CAMSAP2: variants seen among roughly 807,000 people sequenced by gnomAD.
CAMSAP2 encodes the protein calmodulin regulated spectrin associated protein family member 2, also known as calmodulin-regulated spectrin-associated protein 2.
CAMSAP2 carries 26 observed loss-of-function variants against 146.1 expected under a neutral mutation model. The ratio of observed to expected loss-of-function variants is 0.18; its 90% CI spans 0.13 to 0.25. The LOEUF (loss-of-function observed/expected upper bound fraction) is 0.25. CAMSAP2 is among the 10% of genes least tolerant of loss of function. The pLI, the probability that CAMSAP2 is intolerant of heterozygous loss-of-function variation, is 1.00. For missense variants in CAMSAP2, 1,381 were observed against 1,759.3 expected (o/e 0.78, Z 3.85); for synonymous variants, 499 against 596.6 (o/e 0.84, Z 2.38).
At chr1:200,777,833 G>T (rs1048515613) in intron 2 of CAMSAP2, among the ~76,000 whole-genome samples, 1 of 152,144 alleles carries the variant, frequency 6.6e-6, no homozygotes, top group Non-Finnish European at 1.5e-5. Context: ...CCAGCTACTC[G>T]GGAGGCTGAG....
intron 1 of CAMSAP2, among the ~76,000 whole-genome samples, chr1:200,746,484 G>A (rs1664328573): frequency 6.6e-6 from 1 of 152,174 alleles, no homozygotes; most frequent in African/African-American, 2.4e-5. Flanking sequence ...ACCATGTTGA[G>A]TTTGAGGAAT....
chr1:200,752,800 G>T (rs1571716320), intron 1 of CAMSAP2, among the ~76,000 whole-genome samples: 2 of 151,872 alleles, frequency 1.3e-5, no homozygotes, highest in East Asian at 3.9e-4. Flanking sequence ...GTATTTTATA[G>T]TAGAGACGGG....
intron 3 of CAMSAP2, among the ~76,000 whole-genome samples, chr1:200,809,905 A>C (rs983023665): frequency 1.1e-4 from 17 of 152,198 alleles, no homozygotes; most frequent in Admixed American, 1.0e-3. Context: ...ACAGGGCATC[A>C]TCACATGTCT....
rs954477293 is a variant in CAMSAP2 at position 200,836,853 on chromosome 1, C to T, written c.927+4008C>T. Among the ~76,000 whole-genome samples the T allele has an allele frequency of 3.3e-5, 5 of 152,054 alleles. 1 individual carries two copies. Among genetic ancestry groups the T allele is most frequent in the Admixed American group, 2.0e-4 (3 of 15,270 alleles). Reference sequence around the variant, plus strand: ...TTCTCTAATGATCAGTGATATTGGGCTTTTTTTCATATGCTTGTTGGCCGC... The same window carrying T: ...TTCTCTAATGATCAGTGATATTGGGTTTTTTTTCATATGCTTGTTGGCCGC... On this transcript the variant is annotated intron_variant, in intron 6 of 16. Transcript: ENST00000358823.
At chr1:200,758,197 A>T (rs1368064750) in intron 1 of CAMSAP2, among the ~76,000 whole-genome samples, 1 of 152,250 alleles carries the variant, frequency 6.6e-6, no homozygotes, top group East Asian at 1.9e-4. Context: ...AGGTGGATAT[A>T]TAGGTATGAT....
intron 2 of CAMSAP2, among the ~76,000 whole-genome samples, chr1:200,775,585 A>G (rs534579784): frequency 6.6e-6 from 1 of 152,146 alleles, no homozygotes; most frequent in Non-Finnish European, 1.5e-5. Context: ...GCTGGAGTGC[A>G]GTGGCGCAAT....
intron 3 of CAMSAP2, among the ~76,000 whole-genome samples, chr1:200,813,378 G>A (rs1245697979): frequency 1.3e-5 from 2 of 152,208 alleles, no homozygotes; most frequent in Admixed American, 6.5e-5. Context: ...AGACCAAAGC[G>A]AAGGCCTTGT....
At chr1:200,841,916 C>T in intron 6 of CAMSAP2, 78 bp from the exon 7 acceptor site, 1 of 1,008,560 alleles carries the variant, frequency 9.9e-7, no homozygotes, top group South Asian at 1.3e-5. Flanking sequence ...AGATTTAAAC[C>T]TATATTTTAA....
At chr1:200,740,003 T>A in intron 1 of CAMSAP2, 37 bp downstream of exon 1, 1 of 1,607,788 alleles carries the variant, frequency 6.2e-7, no homozygotes, top group Non-Finnish European at 8.5e-7. Flanking sequence ...CTCTTCCTCC[T>A]GATGTGGTCC....
chr1:200,828,309 T>C (rs1571806471), intron 4 of CAMSAP2, among the ~76,000 whole-genome samples: 1 of 152,172 alleles, frequency 6.6e-6, no homozygotes, highest in African/African-American at 2.4e-5. Context: ...TTTTTGCTGC[T>C]AAAGTATACA....
At position 200,832,388 on chromosome 1, in the gene CAMSAP2, C is replaced by A; in HGVS notation, c.787+47C>A. 2 of 1,543,438 alleles carry A rather than the reference C, an allele frequency of 1.3e-6. No individual in the cohort carries two copies. The highest frequency in any genetic ancestry group is 1.3e-5 in the South Asian group (1 of 79,182). On this transcript the variant is annotated intron_variant, in intron 5 of 16. Transcript: ENST00000358823. This position sits in a 1 kb window ranked among gnomAD's most constrained non-coding sequence, Gnocchi z 4.2. ...TTCTGAACTGTAGACAGATAGTAAC[C>A]AATATTTAAGACAGTATTATTTTGC... is the stretch of plus-strand genomic sequence containing the variant.
intron 2 of CAMSAP2, among the ~76,000 whole-genome samples, chr1:200,773,249 TTTTA>T (rs1003203777): frequency 6.6e-6 from 1 of 152,008 alleles, no homozygotes; most frequent in Non-Finnish European, 1.5e-5. Context: ...CATTTTTTAT[TTTTA>T]TTTATTTATT....
At chr1:200,852,516 C>A (rs138630919) in intron 11 of CAMSAP2, 25 bp from the exon 12 acceptor site, 2 of 1,597,724 alleles carry the variant, frequency 1.3e-6, no homozygotes, top group Non-Finnish European at 1.7e-6. Context: ...AATGTTTGAT[C>A]GTTTTCAATG....
intron 2 of CAMSAP2, among the ~76,000 whole-genome samples, chr1:200,780,961 G>T (rs1368778660): frequency 6.6e-6 from 1 of 152,196 alleles, no homozygotes; most frequent in Non-Finnish European, 1.5e-5. Flanking sequence ...ACCTTGTGTG[G>T]TTCAGTTTCG....
chr1:200,817,203 T>TACACAC (rs1279999603), intron 4 of CAMSAP2, among the ~76,000 whole-genome samples: 34 of 99,722 alleles, frequency 3.4e-4, no homozygotes, highest in Non-Finnish European at 5.1e-4. Flanking sequence ...TGTGTGTGTA[T>TACACAC]ACACACATAC....
chr1:200,779,677 G>A (rs2103020494), intron 2 of CAMSAP2, among the ~76,000 whole-genome samples: 1 of 152,260 alleles, frequency 6.6e-6, no homozygotes, highest in East Asian at 1.9e-4. Context: ...AAAGGTGTAG[G>A]ATATAGAATT....
At position 200,859,623 on chromosome 1, in the gene CAMSAP2, C is replaced by G. The variant is rs1442120941; in HGVS notation, c.*1564C>G. On this transcript the variant is annotated 3_prime_UTR_variant, in exon 17 of 17. Coordinates refer to ENST00000358823, the MANE Select transcript of CAMSAP2 (RefSeq NM_203459.4). ...AAATTTCACAGATTTTTTTCCAATA[C>G]CTGTGCAAGATACATGTGTAGCTCA... 6.6e-6 allele frequency: 1 copy of G among 152,066 alleles called. No homozygotes were observed. The highest frequency in any genetic ancestry group is 1.5e-5 in the Non-Finnish European group (1 of 67,888). 9.4% of individuals were successfully genotyped at this position (152,066 alleles called of 1,614,324 possible). A position where few individuals can be genotyped will look rare whatever the true frequency, so the allele number is the denominator to read the frequency against.
chr1:200,844,009 C>G (rs1438086963), intron 7 of CAMSAP2, among the ~76,000 whole-genome samples: 1 of 151,794 alleles, frequency 6.6e-6, no homozygotes, highest in Non-Finnish European at 1.5e-5. Context: ...GTAGCTGGGA[C>G]AACAGGCGCC....
chr1:200,759,624 A>G (rs975695279), intron 1 of CAMSAP2, among the ~76,000 whole-genome samples: 29 of 152,204 alleles, frequency 1.9e-4, no homozygotes, highest in African/African-American at 7.0e-4. Context: ...GGCATTATTG[A>G]GCTTATATTA....
Sources: gnomAD v4.1 joint callset for allele counts (sites outside exome capture counted in the v4.1 genomes callset) on GRCh38, gnomAD v4.1.1 for gene constraint, Gnocchi (gnomAD v3.1) non-coding constraint, MANE v1.5 for transcripts, NCBI Gene and HGNC (gene_info 2026-07-23, HGNC 2026-07-21) for gene names.